The following PTPRD variants were observed in gnomAD, a reference collection of about 807,000 sequenced individuals.
The protein encoded by PTPRD is receptor-type tyrosine-protein phosphatase delta.
PTPRD carries 34 observed loss-of-function variants against 214.5 expected under a neutral mutation model. That is an observed-to-expected ratio of 0.16 (90% CI 0.12 to 0.21). PTPRD has a LOEUF of 0.21. Among genes scored for constraint, PTPRD ranks in the 10% least tolerant of loss-of-function variants. The probability of loss-of-function intolerance (pLI) is 1.00; values close to 1 mark genes in which losing one functional copy is unlikely to be tolerated. For synonymous variants in PTPRD, 1,128 were observed against 845.7 expected, an observed-to-expected ratio of 1.33 and a Z score of -5.79; for missense variants, 2,545 against 2,398.7, an observed-to-expected ratio of 1.06 and a Z score of -1.27.
intron 2 of PTPRD, among the ~76,000 whole-genome samples, chr9:10,603,477 T>G (rs903990111): frequency 6.6e-6 from 1 of 151,932 alleles, no homozygotes; most frequent in Non-Finnish European, 1.5e-5. Flanking sequence ...CTGCTTTTCA[T>G]GTACAGAATC....
At chr9:8,457,461 T>A (rs1468498543) in intron 33 of PTPRD, among the ~76,000 whole-genome samples, 1 of 152,132 alleles carries the variant, frequency 6.6e-6, no homozygotes, top group African/African-American at 2.4e-5. Context: ...TGATTTTTTT[T>A]TGTTACTGAT....
chr9:9,082,357 C>CG (rs1297343379), intron 10 of PTPRD, among the ~76,000 whole-genome samples: 1 of 152,040 alleles, frequency 6.6e-6, no homozygotes, highest in Non-Finnish European at 1.5e-5. Context: ...ACAAAAATCA[C>CG]GTTTGTCTCA....
intron 42 of PTPRD, 129 bp from the exon 43 acceptor site, chr9:8,339,176 C>T: frequency 1.1e-6 from 1 of 921,706 alleles, no homozygotes; most frequent in Non-Finnish European, 1.5e-6. Context: ...CAAGGCAATT[C>T]CAATTGCATA....
At chr9:9,165,573 G>A (rs906720510) in intron 10 of PTPRD, among the ~76,000 whole-genome samples, 37 of 152,154 alleles carry the variant, frequency 2.4e-4, no homozygotes, top group African/African-American at 8.9e-4. Context: ...GCTCTAAAGG[G>A]TCTGTACATC....
In PTPRD at chr9:9,059,615, T is replaced by A. The variant is rs557657750; in HGVS notation, c.-142-40880A>T. Among the ~76,000 whole-genome samples, 4 of 152,184 alleles carry A rather than the reference T, an allele frequency of 2.6e-5. No homozygotes were observed. In the East Asian group the frequency reaches 7.7e-4, roughly 29 times the overall value. On this transcript the variant is annotated intron_variant, in intron 10 of 45. Transcript: ENST00000381196. ...AGAAAATGTATGTCCTTAAGCACATTTGTTAGTAAAAGTTAGAAATTAATG... is the reference window on the plus strand; with the variant it reads ...AGAAAATGTATGTCCTTAAGCACATATGTTAGTAAAAGTTAGAAATTAATG...
intron 11 of PTPRD, among the ~76,000 whole-genome samples, chr9:8,745,845 T>C (rs749608651): frequency 2.6e-4 from 39 of 152,030 alleles, no homozygotes; most frequent in Admixed American, 5.9e-4. Context: ...TCGCCCAGGC[T>C]GGAGTGCAGT....
chr9:8,908,451 T>C (rs985980842), intron 11 of PTPRD, among the ~76,000 whole-genome samples: 5 of 152,016 alleles, frequency 3.3e-5, no homozygotes, highest in African/African-American at 9.7e-5. Context: ...AATTGGGAGA[T>C]ACCCAAATAT....
intron 11 of PTPRD, among the ~76,000 whole-genome samples, chr9:8,849,944 A>G (rs371346879): frequency 7.2e-5 from 11 of 152,328 alleles, no homozygotes; most frequent in Non-Finnish European, 7.3e-5. Flanking sequence ...TATGGAGTGC[A>G]GAACACATAG....
chr9:9,850,936 G>A (rs946039632), intron 5 of PTPRD, among the ~76,000 whole-genome samples: 10 of 152,068 alleles, frequency 6.6e-5, no homozygotes. Context: ...AAAAGGCTTT[G>A]GAAAATGTTA....
chr9:10,414,202 C>T (rs1016585172), intron 2 of PTPRD, among the ~76,000 whole-genome samples: 7 of 151,710 alleles, frequency 4.6e-5, no homozygotes, highest in Non-Finnish European at 8.8e-5. Flanking sequence ...TTGCAAACTA[C>T]GTGTCTGACA....
intron 5 of PTPRD, among the ~76,000 whole-genome samples, chr9:9,785,385 A>G (rs2098914852): frequency 6.6e-6 from 1 of 152,054 alleles, no homozygotes; most frequent in Non-Finnish European, 1.5e-5. Context: ...AGTACATGCT[A>G]CTTTCTCATA....
intron 3 of PTPRD, among the ~76,000 whole-genome samples, chr9:10,152,760 G>A (rs2099069464): frequency 6.6e-6 from 1 of 152,190 alleles, no homozygotes; most frequent in African/African-American, 2.4e-5. Flanking sequence ...GGAAGGCGGA[G>A]GTTGTGGTGA....
chr9:10,282,098 A>C (rs986913162), intron 3 of PTPRD, among the ~76,000 whole-genome samples: 3 of 152,138 alleles, frequency 2.0e-5, no homozygotes, highest in Non-Finnish European at 4.4e-5. Context: ...GAAACAATGA[A>C]AGCAGTCATG....
At chr9:9,774,607 T>A (rs142867791) in intron 5 of PTPRD, among the ~76,000 whole-genome samples, 1 of 152,310 alleles carries the variant, frequency 6.6e-6, no homozygotes, top group East Asian at 1.9e-4. Context: ...AAAACATTCT[T>A]TCTATATATG....
chr9:9,126,591 GTT>G (rs1214613283), intron 10 of PTPRD, among the ~76,000 whole-genome samples: 1 of 152,176 alleles, frequency 6.6e-6, no homozygotes, highest in East Asian at 1.9e-4. Context: ...ATTAATGTGA[GTT>G]ATATATACAT....
intron 9 of PTPRD, among the ~76,000 whole-genome samples, chr9:9,313,245 G>A (rs1960183077): frequency 6.6e-6 from 1 of 152,040 alleles, no homozygotes; most frequent in South Asian, 2.1e-4. Context: ...GTATTTGAGA[G>A]GAGAGCAACA....
At chr9:8,713,864 C>G in intron 12 of PTPRD, 2 of 1,257,420 alleles carry the variant, frequency 1.6e-6, no homozygotes, top group Non-Finnish European at 2.2e-6. Context: ...CGCCCGGGTG[C>G]GCCCCAAATA....
At chr9:8,412,797 A>G (rs1230684487) in intron 35 of PTPRD, among the ~76,000 whole-genome samples, 1 of 152,152 alleles carries the variant, frequency 6.6e-6, no homozygotes, top group Non-Finnish European at 1.5e-5. Flanking sequence ...TTACTATATA[A>G]CATGCCCATC....
chr9:10,218,190 C>T (rs769384003), intron 3 of PTPRD, among the ~76,000 whole-genome samples: 8 of 151,682 alleles, frequency 5.3e-5, no homozygotes, highest in Non-Finnish European at 1.0e-4. Context: ...TTACGAATAG[C>T]GTCTTAGTAA....
Sources: allele counts gnomAD v4.1 joint callset (sites outside exome capture counted in the v4.1 genomes callset), GRCh38; gene constraint gnomAD v4.1.1; transcripts MANE v1.5; gene names NCBI Gene and HGNC (gene_info 2026-07-23, HGNC 2026-07-21).